KLC3: variants seen among roughly 807,000 people sequenced by gnomAD.
KLC3 encodes kinesin light chain 2.
Under a neutral mutation model 62.9 loss-of-function variants are expected in KLC3, and 72 were observed. That is an observed-to-expected ratio of 1.15 (90% CI 0.95 to 1.39). The LOEUF (loss-of-function observed/expected upper bound fraction) is 1.39. Among genes scored for constraint, KLC3 ranks in the 40% most tolerant of loss-of-function variants. The pLI is 0.00. For missense variants in KLC3, 848 were observed against 691.6 expected, an observed-to-expected ratio of 1.23 and a Z score of -2.54; for synonymous variants, 377 against 300.5, an observed-to-expected ratio of 1.25 and a Z score of -2.63.
At chr19:45,350,459 C>T in intron 9 of KLC3, 28 bp downstream of exon 9, 2 of 1,612,966 alleles carry the variant, frequency 1.2e-6, no homozygotes, top group Non-Finnish European at 1.7e-6. Context: ...GTCTGTCTTC[C>T]CTCCTGGTGG....
intron 1 of KLC3, among the ~76,000 whole-genome samples, chr19:45,343,401 C>T (rs905751877): frequency 6.6e-6 from 1 of 152,006 alleles, no homozygotes; most frequent in African/African-American, 2.4e-5. Context: ...GTGGCGTGAT[C>T]TTGGCTCACT....
In KLC3 at chr19:45,341,578, T is replaced by TGTGTGTGTGTGTGTGCGC; in HGVS notation, c.-9+733_-9+734insTGTGTGTGTGTGTGCGCG. On this transcript the variant is annotated intron_variant, in intron 1 of 12. Transcript: ENST00000391946. Reference sequence around the variant, plus strand: ...TGGTGTGTGTGTGTGTGTGTGTGTGTGCGCGCGCGCGTGTGGTGGACAGTG... The same window carrying TGTGTGTGTGTGTGTGCGC: ...TGGTGTGTGTGTGTGTGTGTGTGTGTGTGTGTGTGTGTGTGCGCGCGCGCGCGCGTGTGGTGGACAGTG... 2.7e-3 allele frequency among the ~76,000 whole-genome samples: 382 copies of TGTGTGTGTGTGTGTGCGC among 139,868 alleles called. 1 individual carries two copies. Among genetic ancestry groups the TGTGTGTGTGTGTGTGCGC allele is most frequent in the African/African-American group, 9.0e-3 (338 of 37,428 alleles). The allele number at this position is 139,868 out of a possible 152,430, so 91.8% of individuals were successfully genotyped here. A position where few individuals can be genotyped will look rare whatever the true frequency, so the allele number is the denominator to read the frequency against.
In KLC3 at chr19:45,347,133, C is replaced by T. The variant is rs548248268; in HGVS notation, c.490-314C>T. 1.7e-3 allele frequency: 696 copies of T among 411,580 alleles called. 4 individuals carry two copies. The highest frequency in any genetic ancestry group is 4.5e-3 in the South Asian group (140 of 31,126). 25.5% of individuals were successfully genotyped at this position (411,580 alleles called of 1,614,324 possible). On this transcript the variant is annotated intron_variant, in intron 3 of 12. Transcript: ENST00000391946. The stretch of plus-strand genomic sequence containing the variant: ...CGAGGCGAGCAGATCACCTGAGGTC[C>T]GGATTTCAAGACCAGCATGACCAAC...
intron 3 of KLC3, 22 bp downstream of exon 3, chr19:45,346,796 G>T: frequency 6.6e-7 from 1 of 1,520,322 alleles, no homozygotes; most frequent in South Asian, 1.2e-5. Context: ...AGGGCGAGGC[G>T]GGGGGTGCTG....
In KLC3 at chr19:45,344,214, CTTT is replaced by C. The variant is rs60340712; in HGVS notation, c.-8-1304_-8-1302del. ...CTGGGAGGGTGTGTGTGTGTACCGTCTTTTTTTTTTTTTTTTTTAAATGAAGTC... is the reference window on the plus strand; with the variant it reads ...CTGGGAGGGTGTGTGTGTGTACCGTCTTTTTTTTTTTTTTTAAATGAAGTC... On this transcript the variant is annotated intron_variant, in intron 1 of 12. Transcript: ENST00000391946. Among the ~76,000 whole-genome samples, 507 of 121,048 alleles carry C rather than the reference CTTT, an allele frequency of 4.2e-3. 1 individual carries two copies. The highest frequency in any genetic ancestry group is 0.015 in the African/African-American group (462 of 31,622). 79.4% of individuals were successfully genotyped at this position (121,048 alleles called of 152,430 possible). A position where few individuals can be genotyped will look rare whatever the true frequency, so the allele number is the denominator to read the frequency against.
Position 45,341,139 on chromosome 19 carries a change from C to T in KLC3, c.-9+293C>T, listed in dbSNP as rs183459797. On this transcript the variant is annotated intron_variant, in intron 1 of 12. Coordinates refer to ENST00000391946, the MANE Select transcript of KLC3 (RefSeq NM_177417.3). Reference sequence around the variant, plus strand: ...CTGGGCAGGCCAGGGTAAGTTGGTGCGGCTTGCGGGGCTGGGCCACGATGG... The same window carrying T: ...CTGGGCAGGCCAGGGTAAGTTGGTGTGGCTTGCGGGGCTGGGCCACGATGG... Among the ~76,000 whole-genome samples, 9 of 151,048 alleles carry T rather than the reference C, an allele frequency of 6.0e-5. 1 individual carries two copies. In the South Asian group the frequency reaches 1.5e-3, roughly 25 times the overall value.
At chr19:45,341,554 GGTGTGTGTGT>G (rs773352088) in intron 1 of KLC3, among the ~76,000 whole-genome samples, 15 of 144,112 alleles carry the variant, frequency 1.0e-4, no homozygotes, top group Admixed American at 3.4e-4. Context: ...TCTGCCTGTT[GGTGTGTGTGT>G]GTGTGTGTGT....
At chr19:45,345,316 G>A in intron 1 of KLC3, 1 of 637,884 alleles carries the variant, frequency 1.6e-6, no homozygotes, top group Non-Finnish European at 2.8e-6. Flanking sequence ...ACAGACGAAG[G>A]TAGACAAGAC....
In KLC3 at chr19:45,351,262, A is replaced by G. The variant is rs1971756978; in HGVS notation, c.1444-24A>G. 4.3e-6 allele frequency: 7 copies of G among 1,609,696 alleles called. No homozygotes were observed. In the East Asian group the frequency reaches 1.6e-4, roughly 36 times the overall value. On this transcript the variant is annotated intron_variant, in intron 12 of 12. Transcript: ENST00000391946. Reference sequence around the variant, plus strand: ...ACACTTGCCCCTCACCTCCCCTCCAACCATCCCCTGTGCCTGTCTCCAGTT... The same window carrying G: ...ACACTTGCCCCTCACCTCCCCTCCAGCCATCCCCTGTGCCTGTCTCCAGTT...
intron 12 of KLC3, 21 bp from the exon 13 acceptor site, chr19:45,351,252 CTCCCCTCCAACCA>C: frequency 1.3e-6 from 2 of 1,599,244 alleles, no homozygotes; most frequent in South Asian, 2.2e-5. Context: ...TGCCCCTCAC[CTCCCCTCCAACCA>C]TCCCCTGTGC....
intron 11 of KLC3, 88 bp from the exon 12 acceptor site, chr19:45,350,866 A>C: frequency 1.3e-6 from 2 of 1,496,332 alleles, no homozygotes; most frequent in Non-Finnish European, 1.8e-6. Context: ...TGTGATACAC[A>C]CAGATCAAAC....
intron 8 of KLC3, 94 bp downstream of exon 8, chr19:45,349,696 T>TGGGGGGGGGGGGGGGGGGGGGG: frequency 1.5e-6 from 1 of 689,044 alleles, no homozygotes; most frequent in South Asian, 3.2e-5. Flanking sequence ...AACGTGAGGG[T>TGGGGGGGGGGGGGGGGGGGGGG]GGGGGGGGGC....
intron 1 of KLC3, among the ~76,000 whole-genome samples, chr19:45,343,684 G>A (rs1015968128): frequency 3.3e-5 from 5 of 152,150 alleles, no homozygotes; most frequent in Admixed American, 6.5e-5. Context: ...AGTGTATACA[G>A]ATTGTTTTTG....
intron 1 of KLC3, among the ~76,000 whole-genome samples, chr19:45,344,070 C>T (rs1332023514): frequency 6.6e-6 from 1 of 150,668 alleles, no homozygotes; most frequent in Admixed American, 6.6e-5. Context: ...TCAAGTGATC[C>T]TCCTGCCTCA....
At chr19:45,348,786 C>T in intron 6 of KLC3, 34 bp from the exon 7 acceptor site, 1 of 1,562,090 alleles carries the variant, frequency 6.4e-7, no homozygotes, top group Non-Finnish European at 8.7e-7. Context: ...CCACACCTGC[C>T]CATCCCTGAC....
rs961578178 is a variant in KLC3 at position 45,345,574 on chromosome 19, A to G, written c.33A>G (p.Ala11=). MSVQVAAPGS[A]GLGPERLSPE... ...TGCAGGTAGCGGCTCCTGGAAGTGC[A>G]GGGCTGGGCCCAGAGCGCCTGAGCC... The change falls in exon 2 of 13, where the codon GCA becomes GCG. Residue 11 remains alanine (A), a synonymous_variant. Transcript: ENST00000391946. The G allele has an allele frequency of 2.6e-5, 40 of 1,567,146 alleles. No individual in the cohort carries two copies. The highest frequency in any genetic ancestry group is 3.3e-4 in the Middle Eastern group (2 of 6,020).
chr19:45,350,902 A>C, intron 11 of KLC3, 52 bp from the exon 12 acceptor site: 1 of 1,581,308 alleles, frequency 6.3e-7, no homozygotes, highest in East Asian at 2.3e-5. Flanking sequence ...TCCCTCGTGG[A>C]GGGGGGCCAC....
chr19:45,346,828 G>C (rs767260819), intron 3 of KLC3, 54 bp downstream of exon 3: 20 of 1,468,748 alleles, frequency 1.4e-5, no homozygotes, highest in Non-Finnish European at 9.2e-7. Flanking sequence ...GAGCCCCACA[G>C]TCCCCCAGAC....
rs376739020 is a variant in KLC3, at chr19:45,350,651, G to A, written c.1283G>A (p.Arg428His). The A allele has an allele frequency of 4.2e-5, 67 of 1,613,384 alleles. No individual in the cohort carries two copies. The highest frequency in any genetic ancestry group is 1.6e-4 in the Middle Eastern group (1 of 6,072). ...TAGDAEQALR[R>H]SSSLSKIRES... ...CCGGCCCCTCCCCAGGCCCTTCGCC[G>A]CAGCAGCTCACTCTCCAAGATCCGT... Residue 428 changes from arginine (R) to histidine (H), a missense_variant, in exon 11 of 13, where the codon CGC becomes CAC. By Grantham distance (29) the Arg-to-His change is conservative (BLOSUM62 0). Coordinates refer to ENST00000391946, the MANE Select transcript of KLC3 (RefSeq NM_177417.3).
Sources: gnomAD v4.1 joint callset for allele counts (sites outside exome capture counted in the v4.1 genomes callset) on GRCh38, gnomAD v4.1.1 for gene constraint, MANE v1.5 for transcripts, NCBI Gene and HGNC (gene_info 2026-07-23, HGNC 2026-07-21) for gene names.